Variants in RBM20 observed in about 807,000 individuals in gnomAD.
RBM20 encodes the protein RNA binding motif protein 20.
In RBM20, 51 loss-of-function variants were observed where a neutral mutation model predicts 110.1. That is an observed-to-expected ratio of 0.46 (90% CI 0.37 to 0.59). RBM20 has a LOEUF of 0.59. RBM20 is among the 20% of genes least tolerant of loss of function. The pLI, the probability that RBM20 is intolerant of heterozygous loss-of-function variation, is 0.00. For synonymous variants in RBM20, 589 were observed against 618.2 expected, an observed-to-expected ratio of 0.95 and a Z score of 0.70; for missense variants, 1,512 against 1,574.9, an observed-to-expected ratio of 0.96 and a Z score of 0.68.
chr10:110,680,541 C>T (rs1862407987), intron 1 of RBM20, among the ~76,000 whole-genome samples: 1 of 152,152 alleles, frequency 6.6e-6, no homozygotes, highest in South Asian at 2.1e-4. Context: ...CCTCGGGCTG[C>T]TGGGTTGTGT....
chr10:110,829,938 G>T (rs1845028240), intron 12 of RBM20, among the ~76,000 whole-genome samples: 1 of 152,170 alleles, frequency 6.6e-6, no homozygotes, highest in Admixed American at 6.5e-5. Flanking sequence ...AAGTGGGATT[G>T]GGTGTTCCAA....
At chr10:110,647,011 A>G (rs1334037070) in intron 1 of RBM20, among the ~76,000 whole-genome samples, 3 of 152,236 alleles carry the variant, frequency 2.0e-5, no homozygotes, top group Admixed American at 6.5e-5. Flanking sequence ...ATTGCTTTCA[A>G]AATGATGGCG....
intron 1 of RBM20, among the ~76,000 whole-genome samples, chr10:110,655,510 G>T (rs555117940): frequency 3.9e-5 from 6 of 152,302 alleles, no homozygotes; most frequent in African/African-American, 1.4e-4. Context: ...GATTTGCAAA[G>T]TGTGTCTGCC....
intron 1 of RBM20, among the ~76,000 whole-genome samples, chr10:110,771,943 C>T (rs544439572): frequency 3.5e-4 from 54 of 152,232 alleles, no homozygotes; most frequent in African/African-American, 1.1e-3. Context: ...ATATACATTT[C>T]GAAAAGCTCA....
chr10:110,818,668 G>T (rs529290869), intron 9 of RBM20, among the ~76,000 whole-genome samples: 1 of 152,374 alleles, frequency 6.6e-6, no homozygotes, highest in Admixed American at 6.5e-5. Flanking sequence ...CTTTCAGCCC[G>T]GCTAGCAAGA....
rs368129485 is a variant in RBM20 at position 110,719,932 on chromosome 10, G to A, written c.192-60869G>A. On this transcript the variant is annotated intron_variant, in intron 1 of 13. Transcript: ENST00000369519. ...TATTTTTAACGGCTCTGGAGGCTGG[G>A]GCATCCAAGATCAAGGCACCAGCAA... Among the ~76,000 whole-genome samples the A allele has an allele frequency of 4.0e-5, 6 of 151,684 alleles. No homozygotes were observed. In the East Asian group the frequency reaches 7.7e-4, roughly 20 times the overall value.
At chr10:110,773,572 A>C (rs1844221649) in intron 1 of RBM20, among the ~76,000 whole-genome samples, 2 of 152,260 alleles carry the variant, frequency 1.3e-5, no homozygotes, top group Admixed American at 1.3e-4. Flanking sequence ...AAAAATAAAG[A>C]ATATTTTCAA....
At chr10:110,792,553 C>T (rs1844498057) in intron 5 of RBM20, among the ~76,000 whole-genome samples, 1 of 152,156 alleles carries the variant, frequency 6.6e-6, no homozygotes, top group Non-Finnish European at 1.5e-5. Context: ...GTAACTGGCC[C>T]ACAGTTAGTC....
At chr10:110,818,125 C>A (rs1444323607) in intron 9 of RBM20, among the ~76,000 whole-genome samples, 26 of 138,368 alleles carry the variant, frequency 1.9e-4, no homozygotes, top group Admixed American at 2.2e-4. Flanking sequence ...ACTAAAAATA[C>A]AAAAAAAAAA....
intron 1 of RBM20, among the ~76,000 whole-genome samples, chr10:110,673,563 T>C (rs188131378): frequency 3.3e-5 from 5 of 152,334 alleles, no homozygotes; most frequent in African/African-American, 1.2e-4. Flanking sequence ...CTAGCTGTGC[T>C]TAAGTGTTTA....
chr10:110,823,431 C>CTTTTTTTTT (rs201149204), intron 11 of RBM20, 49 bp from the exon 12 acceptor site: 3 of 1,303,070 alleles, frequency 2.3e-6, no homozygotes, highest in Non-Finnish European at 3.0e-6. Flanking sequence ...TGTTGTATTT[C>CTTTTTTTTT]TTTTTTTTTT....
intron 1 of RBM20, among the ~76,000 whole-genome samples, chr10:110,709,849 A>G (rs1862898575): frequency 6.6e-6 from 1 of 152,152 alleles, no homozygotes; most frequent in Non-Finnish European, 1.5e-5. Flanking sequence ...GATTACAGGC[A>G]TGAGCAGTGG....
intron 5 of RBM20, among the ~76,000 whole-genome samples, chr10:110,787,675 C>T (rs907102897): frequency 6.6e-6 from 1 of 152,184 alleles, no homozygotes; most frequent in African/African-American, 2.4e-5. Context: ...TAATTAATTC[C>T]TCGAAGCTCT....
At chr10:110,760,425 CTTTTTTTTTTTTTTT>C (rs541027608) in intron 1 of RBM20, among the ~76,000 whole-genome samples, 2 of 57,818 alleles carry the variant, frequency 3.5e-5, no homozygotes, top group African/African-American at 6.4e-5. Flanking sequence ...ATTCCATCAT[CTTTTTTTTTTTTTTT>C]TTTTTTTTTT....
At chr10:110,823,181 G>C (rs941501601) in intron 11 of RBM20, among the ~76,000 whole-genome samples, 11 of 152,114 alleles carry the variant, frequency 7.2e-5, no homozygotes, top group Non-Finnish European at 1.6e-4. Context: ...GGGAGGCATG[G>C]GGGGTGGGGG....
Position 110,795,437 on chromosome 10 carries a change from C to T in RBM20, c.1528-2071C>T, listed in dbSNP as rs941224558. Among the ~76,000 whole-genome samples the T allele has an allele frequency of 4.6e-5, 7 of 152,176 alleles. No homozygotes were observed. The South Asian group carries it at 1.0e-3, about 23-fold the overall frequency. ...CTCTGGACATTGCAGAGTGGGAGGT[C>T]GGAAAGAGGCACTTGGGCTTCAACA... On this transcript the variant is annotated intron_variant, in intron 5 of 13. Transcript: ENST00000369519.
chr10:110,705,753 G>A (rs1862827941), intron 1 of RBM20, among the ~76,000 whole-genome samples: 1 of 152,208 alleles, frequency 6.6e-6, no homozygotes, highest in Non-Finnish European at 1.5e-5. Flanking sequence ...AATTGTTTTT[G>A]TGAAGGAGTA....
chr10:110,759,856 C>G (rs752376370), intron 1 of RBM20, among the ~76,000 whole-genome samples: 1 of 152,182 alleles, frequency 6.6e-6, no homozygotes, highest in Non-Finnish European at 1.5e-5. Context: ...TGACCTAGTA[C>G]CACCCTGAAA....
intron 9 of RBM20, among the ~76,000 whole-genome samples, chr10:110,814,503 T>G (rs139678906): frequency 1.1e-3 from 162 of 152,164 alleles, no homozygotes; most frequent in African/African-American, 3.5e-3. Context: ...GTTTTGTTTT[T>G]TTTTTTGAGA....
Sources: allele counts gnomAD v4.1 joint callset (sites outside exome capture counted in the v4.1 genomes callset), GRCh38; gene constraint gnomAD v4.1.1; transcripts MANE v1.5; gene names NCBI Gene and HGNC (gene_info 2026-07-23, HGNC 2026-07-21).